Variants in GPATCH2 observed in about 807,000 individuals in gnomAD.
GPATCH2 encodes G-patch domain containing 2.
GPATCH2 carries 51 observed loss-of-function variants against 58.0 expected under a neutral mutation model. That is an observed-to-expected ratio of 0.88 (90% CI 0.70 to 1.11). The LOEUF (loss-of-function observed/expected upper bound fraction) is 1.11, where lower values mean the gene tolerates loss of function less well. Among genes scored for constraint, GPATCH2 ranks in the 50% most tolerant of loss-of-function variants. The pLI, the probability that GPATCH2 is intolerant of heterozygous loss-of-function variation, is 0.00. For synonymous variants in GPATCH2, 222 were observed against 218.5 expected, an observed-to-expected ratio of 1.02 and a Z score of -0.14; for missense variants, 625 against 652.2, an observed-to-expected ratio of 0.96 and a Z score of 0.45.
chr1:217,449,884 T>G (rs1347472900), intron 8 of GPATCH2, among the ~76,000 whole-genome samples: 2 of 152,180 alleles, frequency 1.3e-5, no homozygotes, highest in African/African-American at 2.4e-5. Flanking sequence ...GAAAACATAA[T>G]TTGAATGCAT....
At chr1:217,555,636 TA>T (rs1469602827) in intron 5 of GPATCH2, among the ~76,000 whole-genome samples, 3 of 152,306 alleles carry the variant, frequency 2.0e-5, no homozygotes, top group Non-Finnish European at 4.4e-5. Flanking sequence ...ATAACTAACA[TA>T]AAGCAACATC....
intron 3 of GPATCH2, among the ~76,000 whole-genome samples, chr1:217,613,072 A>G (rs1668710478): frequency 6.6e-6 from 1 of 151,992 alleles, no homozygotes; most frequent in Non-Finnish European, 1.5e-5. Context: ...ATCAGCATTT[A>G]TAATACAATC....
intron 6 of GPATCH2, among the ~76,000 whole-genome samples, chr1:217,503,617 G>T (rs1248681244): frequency 6.6e-6 from 1 of 152,064 alleles, no homozygotes; most frequent in Non-Finnish European, 1.5e-5. Flanking sequence ...TGAGCCTAAA[G>T]AACACAGGTA....
intron 5 of GPATCH2, among the ~76,000 whole-genome samples, chr1:217,524,524 T>C (rs144106889): frequency 6.6e-6 from 1 of 151,676 alleles, no homozygotes; most frequent in Non-Finnish European, 1.5e-5. Flanking sequence ...GGGAGGTGGA[T>C]GTTGTAGCGA....
At chr1:217,615,605 A>C (rs1201716536) in intron 2 of GPATCH2, among the ~76,000 whole-genome samples, 1 of 152,092 alleles carries the variant, frequency 6.6e-6, no homozygotes, top group Non-Finnish European at 1.5e-5. Context: ...TCTCATATAC[A>C]CCTCAGGTCA....
chr1:217,435,120 C>T (rs887859289), intron 9 of GPATCH2, among the ~76,000 whole-genome samples: 3 of 152,280 alleles, frequency 2.0e-5, no homozygotes, highest in African/African-American at 7.2e-5. Context: ...AGTGGAACAA[C>T]TCAGCCTCAG....
chr1:217,618,330 C>A (rs1400511030), intron 2 of GPATCH2, among the ~76,000 whole-genome samples: 2 of 151,322 alleles, frequency 1.3e-5, no homozygotes, highest in Non-Finnish European at 2.9e-5. Context: ...CTGCCTCAGC[C>A]TCCTGAGTAG....
At chr1:217,484,832 T>C (rs1455754376) in intron 8 of GPATCH2, among the ~76,000 whole-genome samples, 1 of 151,454 alleles carries the variant, frequency 6.6e-6, no homozygotes, top group Non-Finnish European at 1.5e-5. Context: ...GATATATATA[T>C]TTACTTATAT....
At chr1:217,524,492 TAGG>T (rs1558457451) in intron 5 of GPATCH2, among the ~76,000 whole-genome samples, 1 of 151,846 alleles carries the variant, frequency 6.6e-6, no homozygotes, top group Non-Finnish European at 1.5e-5. Context: ...CTCGGCTCTT[TAGG>T]AGGCCAAGGC....
chr1:217,596,522 A>G (rs1213812495), intron 5 of GPATCH2, among the ~76,000 whole-genome samples: 1 of 152,186 alleles, frequency 6.6e-6, no homozygotes, highest in Non-Finnish European at 1.5e-5. Flanking sequence ...GATATACATA[A>G]AAAGATTAGA....
chr1:217,621,667 C>T lies in GPATCH2; in HGVS notation c.57-1168G>A, dbSNP rs368496852. On this transcript the variant is annotated intron_variant, in intron 1 of 9. Transcript: ENST00000366935. ...GTTATAGCTGGTTATAGTTTGCTGA[C>T]CCATAGTCTATATAGTCTCTACAAT... Among the ~76,000 whole-genome samples the T allele has an allele frequency of 3.0e-4, 46 of 152,124 alleles. 4 individuals are homozygous for T. The highest frequency in any genetic ancestry group is 2.0e-3 in the Admixed American group (30 of 15,276).
At chr1:217,438,926 G>T (rs966606702) in intron 9 of GPATCH2, among the ~76,000 whole-genome samples, 6 of 152,188 alleles carry the variant, frequency 3.9e-5, no homozygotes, top group African/African-American at 1.4e-4. Flanking sequence ...AATAGTGGGA[G>T]ATTTAACACT....
chr1:217,488,501 A>C (rs1246261299), intron 8 of GPATCH2, among the ~76,000 whole-genome samples: 2 of 151,842 alleles, frequency 1.3e-5, no homozygotes, highest in Non-Finnish European at 2.9e-5. Flanking sequence ...TTGGTATGAG[A>C]GCTTTCTTTA....
At position 217,610,355 on chromosome 1, in the gene GPATCH2, T is replaced by C. The variant is rs758592505; in HGVS notation, c.1064A>G (p.Asn355Ser). 6.2e-7 allele frequency: 1 copy of C among 1,605,806 alleles called. No individual in the cohort carries two copies. The highest frequency in any genetic ancestry group is 2.2e-5 in the East Asian group (1 of 44,808). ...LSRLHGMSSK[N>S]IKKSGGTPTS... ...TGGAGTCCCTCCAGATTTTTTAATA[T>C]TCTTTGAAGACATTCCATGAAGGCG... The change falls in exon 5 of 10, where the codon AAT becomes AGT. Residue 355 changes from asparagine to serine, a missense_variant. Coordinates refer to ENST00000366935, the MANE Select transcript of GPATCH2 (RefSeq NM_018040.5).
intron 5 of GPATCH2, among the ~76,000 whole-genome samples, chr1:217,536,233 T>C (rs960612788): frequency 6.6e-6 from 1 of 152,222 alleles, no homozygotes; most frequent in Admixed American, 6.5e-5. Context: ...AACCTAGCTA[T>C]GTTAATTAAC....
intron 9 of GPATCH2, among the ~76,000 whole-genome samples, 172 bp from the exon 10 acceptor site, chr1:217,431,537 GA>G (rs1388996579): frequency 1.3e-5 from 2 of 152,206 alleles, no homozygotes; most frequent in African/African-American, 2.4e-5. Context: ...AACAATGGAA[GA>G]AAGATCTTGT....
Position 217,498,411 on chromosome 1 carries a change from A to G in GPATCH2, c.1167-16T>C. On this transcript the variant is annotated splice_polypyrimidine_tract_variant and intron_variant, in intron 6 of 9. Coordinates refer to ENST00000366935, the MANE Select transcript of GPATCH2 (RefSeq NM_018040.5). ...AAACCAATGGCTGCAGAGGAAAGAA[A>G]AAGGCAGTTAGAGGGAACCTAACTA... The G allele has an allele frequency of 6.2e-7, 1 of 1,610,192 alleles. No homozygotes were observed. Among genetic ancestry groups the G allele is most frequent in the Non-Finnish European group, 8.5e-7 (1 of 1,176,454 alleles).
At chr1:217,584,960 G>A (rs1667269008) in intron 5 of GPATCH2, among the ~76,000 whole-genome samples, 1 of 151,208 alleles carries the variant, frequency 6.6e-6, no homozygotes, top group South Asian at 2.1e-4. Flanking sequence ...ATAAAAGGGT[G>A]GAAAAAATAA....
At chr1:217,588,182 G>A (rs144268745) in intron 5 of GPATCH2, among the ~76,000 whole-genome samples, 1 of 152,070 alleles carries the variant, frequency 6.6e-6, no homozygotes, top group African/African-American at 2.4e-5. Context: ...TATTCTTCCA[G>A]GGGACTGAAA....
Sources: allele counts gnomAD v4.1 joint callset (sites outside exome capture counted in the v4.1 genomes callset), GRCh38; gene constraint gnomAD v4.1.1; transcripts MANE v1.5; gene names NCBI Gene and HGNC (gene_info 2026-07-23, HGNC 2026-07-21).